The following PTPRD variants were observed in gnomAD, a reference collection of about 807,000 sequenced individuals.
The protein encoded by PTPRD is protein tyrosine phosphatase receptor type D.
In PTPRD, 34 loss-of-function variants were observed where a neutral mutation model predicts 214.5. The ratio of observed to expected loss-of-function variants is 0.16; its 90% CI spans 0.12 to 0.21. The LOEUF is 0.21. PTPRD is among the 10% of genes least tolerant of loss of function. The pLI is 1.00. For missense variants in PTPRD, 2,545 were observed against 2,398.7 expected (o/e 1.06, Z -1.27); for synonymous variants, 1,128 against 845.7 (o/e 1.33, Z -5.79).
intron 10 of PTPRD, among the ~76,000 whole-genome samples, chr9:9,087,584 T>A: frequency 6.6e-6 from 1 of 152,150 alleles, no homozygotes; most frequent in Non-Finnish European, 1.5e-5. Flanking sequence ...CAGAGAATTC[T>A]GAGTGCCAGA....
At chr9:10,017,847 C>T (rs2096754979) in intron 4 of PTPRD, among the ~76,000 whole-genome samples, 1 of 151,758 alleles carries the variant, frequency 6.6e-6, no homozygotes, top group Admixed American at 6.6e-5. Context: ...ATTGAATGCC[C>T]TCATGTAAAA....
chr9:8,892,981 G>T (rs2098554863), intron 11 of PTPRD, among the ~76,000 whole-genome samples: 1 of 152,132 alleles, frequency 6.6e-6, no homozygotes, highest in Admixed American at 6.5e-5. Flanking sequence ...TGACGTCCAT[G>T]TTGGTGGAAT....
At chr9:9,278,272 G>A (rs1163456252) in intron 9 of PTPRD, among the ~76,000 whole-genome samples, 4 of 151,080 alleles carry the variant, frequency 2.6e-5, no homozygotes, top group East Asian at 2.0e-4. Flanking sequence ...TAATAGACTG[G>A]CATTTTCAGA....
Position 9,682,845 on chromosome 9 carries a change from T to G in PTPRD, c.-287+51688A>C, listed in dbSNP as rs368357087. Among the ~76,000 whole-genome samples, 134 of 151,894 alleles carry G rather than the reference T, an allele frequency of 8.8e-4. 3 individuals are homozygous for G. The South Asian group carries it at 0.026, about 30-fold the overall frequency. On this transcript the variant is annotated intron_variant, in intron 7 of 45. Coordinates refer to ENST00000381196, the MANE Select transcript of PTPRD (RefSeq NM_002839.4). ...ATCAGTACTACAGCATTTTTCTCAG[T>G]TCCACAAATACTCCAGGACCTCATA... is the stretch of plus-strand genomic sequence containing the variant.
chr9:9,663,491 C>G (rs1194542544), intron 7 of PTPRD, among the ~76,000 whole-genome samples: 2 of 151,318 alleles, frequency 1.3e-5, no homozygotes, highest in Non-Finnish European at 3.0e-5. Flanking sequence ...ACTTTTTTGT[C>G]TGTCTTCTCA....
intron 5 of PTPRD, among the ~76,000 whole-genome samples, chr9:9,833,607 C>T (rs1251391468): frequency 2.0e-5 from 2 of 98,720 alleles, no homozygotes; most frequent in East Asian, 2.6e-4. Context: ...TCCTAATAAG[C>T]GTGGGAGTGC....
At chr9:10,597,798 C>A (rs997501604) in intron 2 of PTPRD, among the ~76,000 whole-genome samples, 9 of 151,774 alleles carry the variant, frequency 5.9e-5, no homozygotes, top group African/African-American at 2.2e-4. Context: ...CCTAGAATGT[C>A]AGCAAGAAGC....
chr9:8,645,743 G>A (rs1254211647), intron 12 of PTPRD, among the ~76,000 whole-genome samples: 1 of 151,526 alleles, frequency 6.6e-6, no homozygotes, highest in African/African-American at 2.4e-5. Flanking sequence ...ATCAATGTTA[G>A]GTTATTATTT....
At chr9:8,726,851 G>T (rs1023301015) in intron 12 of PTPRD, among the ~76,000 whole-genome samples, 1 of 148,488 alleles carries the variant, frequency 6.7e-6, no homozygotes, top group African/African-American at 2.5e-5. Context: ...CGTGCCTGTA[G>T]TTCCAGCTAC....
At chr9:9,887,311 C>CCT (rs1216225090) in intron 5 of PTPRD, among the ~76,000 whole-genome samples, 1 of 152,066 alleles carries the variant, frequency 6.6e-6, no homozygotes, top group Non-Finnish European at 1.5e-5. Context: ...TATTTCTATA[C>CCT]CTCTATGTTT....
chr9:8,607,961 T>A (rs1444885132), intron 14 of PTPRD, among the ~76,000 whole-genome samples: 1 of 152,160 alleles, frequency 6.6e-6, no homozygotes, highest in Admixed American at 6.5e-5. Flanking sequence ...TCTATTCAAG[T>A]TAACATGGAG....
chr9:8,771,549 C>T (rs945719812), intron 11 of PTPRD, among the ~76,000 whole-genome samples: 2 of 152,094 alleles, frequency 1.3e-5, no homozygotes, highest in Non-Finnish European at 2.9e-5. Flanking sequence ...AACCCAAAGA[C>T]CTCATAAATT....
chr9:9,481,840 T>A (rs931554704), intron 8 of PTPRD, among the ~76,000 whole-genome samples: 3 of 152,200 alleles, frequency 2.0e-5, no homozygotes, highest in African/African-American at 7.2e-5. Context: ...GTAGCCCCTG[T>A]CCTTGCAGTT....
chr9:10,083,453 G>A (rs2098276144), intron 3 of PTPRD, among the ~76,000 whole-genome samples: 1 of 152,010 alleles, frequency 6.6e-6, no homozygotes, highest in South Asian at 2.1e-4. Flanking sequence ...ATATACTTCT[G>A]AATCATTTGC....
intron 12 of PTPRD, among the ~76,000 whole-genome samples, chr9:8,653,268 G>T (rs1422194332): frequency 6.6e-6 from 1 of 151,990 alleles, no homozygotes; most frequent in Non-Finnish European, 1.5e-5. Flanking sequence ...TGGCCTCTGG[G>T]GGCTGCCAGA....
At chr9:8,768,963 A>T (rs966389808) in intron 11 of PTPRD, among the ~76,000 whole-genome samples, 3 of 152,148 alleles carry the variant, frequency 2.0e-5, no homozygotes, top group African/African-American at 7.2e-5. Context: ...ATAAAAACAG[A>T]TTTCCCGTGT....
At chr9:8,642,543 T>C (rs1252273056) in intron 12 of PTPRD, among the ~76,000 whole-genome samples, 1 of 152,180 alleles carries the variant, frequency 6.6e-6, no homozygotes, top group East Asian at 1.9e-4. Context: ...GAAGATCAGC[T>C]GAAGTCATCT....
chr9:10,249,246 T>C (rs2092542844), intron 3 of PTPRD, among the ~76,000 whole-genome samples: 1 of 152,184 alleles, frequency 6.6e-6, no homozygotes, highest in African/African-American at 2.4e-5. Context: ...ATCCAGTGAT[T>C]GTTCACCTTG....
intron 8 of PTPRD, among the ~76,000 whole-genome samples, chr9:9,460,475 C>T (rs781229468): frequency 4.0e-5 from 6 of 151,740 alleles, no homozygotes; most frequent in Non-Finnish European, 8.8e-5. Flanking sequence ...ATAATCTAAA[C>T]GAATCAACAT....
Sources: gnomAD v4.1 joint callset for allele counts (sites outside exome capture counted in the v4.1 genomes callset) on GRCh38, gnomAD v4.1.1 for gene constraint, MANE v1.5 for transcripts, NCBI Gene and HGNC (gene_info 2026-07-23, HGNC 2026-07-21) for gene names.